PVT1: variants seen among roughly 807,000 people sequenced by gnomAD.
PVT1 encodes CXCR4/PVT1 fusion.
intron 2 of PVT1, among the ~76,000 whole-genome samples, chr8:127,814,920 T>C (rs1460250638): frequency 1.3e-5 from 2 of 152,222 alleles, no homozygotes; most frequent in Non-Finnish European, 2.9e-5. Context: ...AATCATAGTA[T>C]TCATCCTTTT....
intron 3 of PVT1, among the ~76,000 whole-genome samples, chr8:127,952,686 G>A (rs1295290950): frequency 1.3e-5 from 2 of 152,168 alleles, no homozygotes; most frequent in African/African-American, 4.8e-5. Flanking sequence ...TTTCCGATGA[G>A]GCAACAGAGG....
intron 2 of PVT1, chr8:127,854,827 C>T (rs1018150473): frequency 1.4e-5 from 3 of 220,642 alleles, no homozygotes; most frequent in Non-Finnish European, 2.7e-5. Context: ...TGAGAATCTA[C>T]GCAATACCAT....
rs114728219 is a variant in PVT1 at position 127,915,937 on chromosome 8, T to C, written n.782+24939T>C. 1.6e-3 allele frequency among the ~76,000 whole-genome samples: 241 copies of C among 152,374 alleles called. 2 individuals carry two copies. Among genetic ancestry groups the C allele is most frequent in the African/African-American group, 5.6e-3 (231 of 41,584 alleles). ...CTGAAGAGCCCAGATCTATGTCTTTTCATGCAACCTTGCCCTGTGCTTTCC... is the reference window on the plus strand; with the variant it reads ...CTGAAGAGCCCAGATCTATGTCTTTCCATGCAACCTTGCCCTGTGCTTTCC... On this transcript the variant is annotated intron_variant and non_coding_transcript_variant, in intron 3 of 10. Transcript: ENST00000651587.
At chr8:127,931,065 C>T (rs1206461759) in intron 3 of PVT1, among the ~76,000 whole-genome samples, 1 of 152,134 alleles carries the variant, frequency 6.6e-6, no homozygotes, top group African/African-American at 2.4e-5. Flanking sequence ...CCACCACACC[C>T]AGCTAGTTTT....
At chr8:127,809,921 A>G (rs1208987717) in intron 2 of PVT1, among the ~76,000 whole-genome samples, 1 of 152,236 alleles carries the variant, frequency 6.6e-6, no homozygotes, top group African/African-American at 2.4e-5. Flanking sequence ...GCTTTTCACA[A>G]AACAAAAGAG....
intron 2 of PVT1, among the ~76,000 whole-genome samples, chr8:127,861,963 C>G (rs1815233718): frequency 6.6e-6 from 1 of 152,170 alleles, no homozygotes; most frequent in Non-Finnish European, 1.5e-5. Context: ...CACCCACACC[C>G]CAGGAATTTA....
intron 2 of PVT1, chr8:127,803,135 T>C (rs1422882538): frequency 1.4e-5 from 2 of 144,398 alleles, no homozygotes; most frequent in African/African-American, 5.2e-5. Context: ...CTTTTTTTTT[T>C]TTTTTTTTTT....
intron 5 of PVT1, among the ~76,000 whole-genome samples, chr8:128,089,500 A>G (rs967150347): frequency 6.6e-6 from 1 of 152,104 alleles, no homozygotes; most frequent in Non-Finnish European, 1.5e-5. Context: ...CCACCTCCCA[A>G]TACCATTACC....
intron 4 of PVT1, among the ~76,000 whole-genome samples, chr8:128,060,240 A>G (rs1281028970): frequency 6.6e-6 from 1 of 152,200 alleles, no homozygotes; most frequent in Non-Finnish European, 1.5e-5. Context: ...TGGGCGACAG[A>G]GTGAGACTCC....
chr8:127,937,212 A>T (rs2129899991), intron 3 of PVT1, among the ~76,000 whole-genome samples: 1 of 152,218 alleles, frequency 6.6e-6, no homozygotes, highest in African/African-American at 2.4e-5. Flanking sequence ...CTTGGGTGCA[A>T]ATCTTGAGAT....
At chr8:127,911,393 G>C (rs562921564) in intron 3 of PVT1, among the ~76,000 whole-genome samples, 1 of 152,228 alleles carries the variant, frequency 6.6e-6, no homozygotes, top group Non-Finnish European at 1.5e-5. Context: ...ACAGCAGGTC[G>C]GAGTGGCCGC....
At chr8:127,970,130 G>A (rs1816746551) in intron 3 of PVT1, among the ~76,000 whole-genome samples, 1 of 151,952 alleles carries the variant, frequency 6.6e-6, no homozygotes, top group African/African-American at 2.4e-5. Flanking sequence ...CATATGAGCA[G>A]GAATTGTGCA....
intron 4 of PVT1, among the ~76,000 whole-genome samples, chr8:128,038,509 G>C (rs551267354): frequency 7.2e-5 from 11 of 152,164 alleles, no homozygotes; most frequent in African/African-American, 2.7e-4. Flanking sequence ...AGGGAGGTGC[G>C]GCACGTGAAT....
chr8:127,995,712 G>T (rs1817096600), intron 4 of PVT1, among the ~76,000 whole-genome samples: 1 of 152,172 alleles, frequency 6.6e-6, no homozygotes, highest in African/African-American at 2.4e-5. Context: ...GGTAAAAATA[G>T]TAATAGCTCA....
At chr8:127,924,770 C>A (rs998105968) in intron 3 of PVT1, among the ~76,000 whole-genome samples, 20 of 152,154 alleles carry the variant, frequency 1.3e-4, no homozygotes, top group Admixed American at 5.9e-4. Context: ...CTCGGCCTCC[C>A]AAAGTGCTGG....
chr8:127,963,564 A>AC (rs1242401712), intron 3 of PVT1, among the ~76,000 whole-genome samples: 2 of 151,382 alleles, frequency 1.3e-5, no homozygotes, highest in African/African-American at 4.9e-5. Flanking sequence ...GAAAGGCAGC[A>AC]CCCCCCACCC....
intron 4 of PVT1, among the ~76,000 whole-genome samples, chr8:128,003,173 T>C (rs1485567425): frequency 3.4e-5 from 5 of 148,744 alleles, no homozygotes; most frequent in East Asian, 2.0e-4. Flanking sequence ...TTTTTTTTTT[T>C]AGTAGAGACA....
At chr8:127,892,351 C>A (rs149592181) in intron 3 of PVT1, among the ~76,000 whole-genome samples, 1 of 152,200 alleles carries the variant, frequency 6.6e-6, no homozygotes. Flanking sequence ...TGCACACAGG[C>A]TAGACACATA....
At chr8:128,096,724 A>G (rs1250246997) in intron 6 of PVT1, 1 of 152,262 alleles carries the variant, frequency 6.6e-6, no homozygotes, top group Non-Finnish European at 1.5e-5. Flanking sequence ...GGCTTAGGCC[A>G]GTGCTTAGCA....
Sources: allele counts gnomAD v4.1 joint callset (sites outside exome capture counted in the v4.1 genomes callset), GRCh38; gene constraint gnomAD v4.1.1; transcripts MANE v1.5; gene names NCBI Gene and HGNC (gene_info 2026-07-23, HGNC 2026-07-21).